Variants in USH2A observed in about 807,000 individuals in gnomAD.
The protein encoded by USH2A is usherin.
A neutral mutation model predicts 538.9 loss-of-function variants in USH2A; 443 were observed. The observed-to-expected ratio is 0.82, with a 90% CI of 0.76 to 0.89. USH2A has a LOEUF of 0.89. USH2A is among the 40% of genes least tolerant of loss of function. The pLI is 0.00. For missense variants in USH2A, 6,633 were observed against 6,324.8 expected (o/e 1.05, Z -1.65); for synonymous variants, 2,413 against 2,273.5 (o/e 1.06, Z -1.75).
At chr1:216,245,608 A>G (rs2036024912) in intron 13 of USH2A, among the ~76,000 whole-genome samples, 1 of 151,984 alleles carries the variant, frequency 6.6e-6, no homozygotes, top group African/African-American at 2.4e-5. Flanking sequence ...GTATCTAGTT[A>G]TAATATAGTC....
rs559030932 is a variant in USH2A at position 216,263,844 on chromosome 1, A to T, written c.1972-12746T>A. ...GAAGTCAACTAGTTCTGGTTTACAG[A>T]TGACAGGATCTTATATGTAATAAAA... On this transcript the variant is annotated intron_variant, in intron 11 of 71. Transcript: ENST00000307340. Among the ~76,000 whole-genome samples the T allele has an allele frequency of 2.6e-5, 4 of 152,254 alleles. No individual in the cohort carries two copies. In the East Asian group the frequency reaches 7.7e-4, roughly 29 times the overall value.
intron 38 of USH2A, among the ~76,000 whole-genome samples, chr1:215,905,989 GT>G (rs1665631336): frequency 6.6e-6 from 1 of 152,040 alleles, no homozygotes; most frequent in African/African-American, 2.4e-5. Flanking sequence ...ATGAGCAAGG[GT>G]TTTAAATTCT....
intron 11 of USH2A, among the ~76,000 whole-genome samples, chr1:216,269,064 T>C (rs2036528278): frequency 6.6e-6 from 1 of 152,064 alleles, no homozygotes; most frequent in African/African-American, 2.4e-5. Context: ...TGAAAATACA[T>C]GAATCTTCAT....
intron 21 of USH2A, among the ~76,000 whole-genome samples, chr1:216,100,235 T>C (rs1007977220): frequency 7.2e-5 from 11 of 152,110 alleles, no homozygotes; most frequent in Non-Finnish European, 1.6e-4. Flanking sequence ...TGATAAGGAC[T>C]GAGGAAATGA....
At chr1:215,985,203 A>C (rs1362720037) in intron 35 of USH2A, among the ~76,000 whole-genome samples, 2 of 152,258 alleles carry the variant, frequency 1.3e-5, no homozygotes, top group Non-Finnish European at 2.9e-5. Context: ...TTTTAAAATA[A>C]AAAGTAAGAA....
chr1:216,330,570 G>C (rs189646985), intron 4 of USH2A, among the ~76,000 whole-genome samples: 8 of 152,050 alleles, frequency 5.3e-5, no homozygotes, highest in South Asian at 2.1e-4. Context: ...AGAATAAAAG[G>C]GGGGAGGTTA....
chr1:215,926,047 G>A (rs1432664522), intron 38 of USH2A, among the ~76,000 whole-genome samples: 1 of 151,970 alleles, frequency 6.6e-6, no homozygotes, highest in African/African-American at 2.4e-5. Context: ...CAAACAAAAG[G>A]TATAGAAATA....
intron 3 of USH2A, among the ~76,000 whole-genome samples, chr1:216,382,948 AC>A (rs1329625072): frequency 6.6e-6 from 1 of 152,190 alleles, no homozygotes; most frequent in Non-Finnish European, 1.5e-5. Flanking sequence ...CATGATAGAA[AC>A]CAAAATTAAG....
At position 215,675,526 on chromosome 1, in the gene USH2A, T is replaced by G; in HGVS notation, c.12385A>C (p.Thr4129Pro). The G allele has an allele frequency of 1.9e-6, 3 of 1,613,912 alleles. No individual in the cohort carries two copies. Among genetic ancestry groups the G allele is most frequent in the Non-Finnish European group, 2.5e-6 (3 of 1,179,962 alleles). Residue 4129 changes from threonine to proline, a missense_variant, in exon 63 of 72, where the codon ACA (threonine) becomes CCA (proline). By Grantham distance (38) the Thr-to-Pro change is conservative. Transcript: ENST00000307340. ...CTGGTGCAGGCCTCCAGGGTCAGTG[T>G]GTAGAGAGTGAAAGGATCCAGGCGG... ...FRRLDPFTLY[T>P]LTLEACTRAG...
chr1:216,407,831 A>T (rs1195211493), intron 3 of USH2A, among the ~76,000 whole-genome samples: 2 of 152,136 alleles, frequency 1.3e-5, no homozygotes, highest in Non-Finnish European at 2.9e-5. Context: ...CAATTCCATT[A>T]GATAATACAG....
chr1:215,992,285 T>A lies in USH2A; in HGVS notation c.6805+735A>T, dbSNP rs143989691. 2.1e-4 allele frequency among the ~76,000 whole-genome samples: 32 copies of A among 152,320 alleles called. No homozygotes were observed. The East Asian group carries it at 6.0e-3, about 28-fold the overall frequency. Reference sequence around the variant, plus strand: ...AAATTTAATGTCAAGTAAGCTTCCATCAGTGTGAAACAATGGTACTATGTT... The same window carrying A: ...AAATTTAATGTCAAGTAAGCTTCCAACAGTGTGAAACAATGGTACTATGTT... On this transcript the variant is annotated intron_variant, in intron 35 of 71. Coordinates refer to ENST00000307340, the MANE Select transcript of USH2A (RefSeq NM_206933.4).
chr1:215,772,073 C>T (rs1030817318), intron 55 of USH2A, among the ~76,000 whole-genome samples: 1 of 152,122 alleles, frequency 6.6e-6, no homozygotes, highest in Non-Finnish European at 1.5e-5. Context: ...CTCTGTAAAA[C>T]TCAATAAAAT....
At chr1:215,709,896 G>A (rs1000737411) in intron 61 of USH2A, among the ~76,000 whole-genome samples, 2 of 152,150 alleles carry the variant, frequency 1.3e-5, no homozygotes, top group African/African-American at 4.8e-5. Flanking sequence ...TATTTCTAGG[G>A]TTGAATGATT....
chr1:216,185,401 A>G (rs910029260), intron 20 of USH2A, among the ~76,000 whole-genome samples: 1 of 151,964 alleles, frequency 6.6e-6, no homozygotes, highest in Non-Finnish European at 1.5e-5. Context: ...ATAAATCTTC[A>G]CAAGTATCTT....
rs755595217 is a variant in USH2A, at chr1:216,073,174, C to A, written c.5699G>T (p.Cys1900Phe). Reference sequence around the variant, plus strand: ...AACCAGGATGGAGTCATTTCCCCTGCAGTTAACAGCACTGTCAGTTGATAG... The same window carrying A: ...AACCAGGATGGAGTCATTTCCCCTGAAGTTAACAGCACTGTCAGTTGATAG... ...GCLSTDSAVN[C>F]RGNDSILVYQ... The change falls in exon 28 of 72, where the codon TGC becomes TTC. Residue 1900 changes from cysteine (C) to phenylalanine (F), a missense_variant. By Grantham distance (205) the Cys-to-Phe change is radical. Coordinates refer to ENST00000307340, the MANE Select transcript of USH2A (RefSeq NM_206933.4). 2 of 1,613,838 alleles carry A rather than the reference C, an allele frequency of 1.2e-6. No individual in the cohort carries two copies. Among genetic ancestry groups the A allele is most frequent in the South Asian group, 2.2e-5 (2 of 91,064 alleles).
At chr1:216,110,730 A>G (rs974179074) in intron 21 of USH2A, among the ~76,000 whole-genome samples, 1 of 152,238 alleles carries the variant, frequency 6.6e-6, no homozygotes, top group Non-Finnish European at 1.5e-5. Context: ...TGATATACAG[A>G]AAAAGTTCAC....
At chr1:215,935,784 G>A (rs772075104) in intron 37 of USH2A, among the ~76,000 whole-genome samples, 7 of 151,916 alleles carry the variant, frequency 4.6e-5, no homozygotes, top group Admixed American at 1.3e-4. Flanking sequence ...GTCACTTTTA[G>A]AAATGATACA....
intron 58 of USH2A, among the ~76,000 whole-genome samples, chr1:215,750,842 CAT>C (rs1412964306): frequency 6.6e-6 from 1 of 152,046 alleles, no homozygotes; most frequent in African/African-American, 2.4e-5. Flanking sequence ...AACAATAGGA[CAT>C]ACTATATTAA....
intron 60 of USH2A, among the ~76,000 whole-genome samples, chr1:215,741,080 A>AT (rs2102725219): frequency 6.6e-6 from 1 of 152,304 alleles, no homozygotes; most frequent in South Asian, 2.1e-4. Flanking sequence ...CCATCACTAA[A>AT]TATAAGCCTA....
Sources: allele counts gnomAD v4.1 joint callset (sites outside exome capture counted in the v4.1 genomes callset), GRCh38; gene constraint gnomAD v4.1.1; transcripts MANE v1.5; gene names NCBI Gene and HGNC (gene_info 2026-07-23, HGNC 2026-07-21).